LGSN: variants seen among roughly 807,000 people sequenced by gnomAD.
LGSN encodes lengsin.
Under a neutral mutation model 19.5 loss-of-function variants are expected in LGSN, and 21 were observed. The observed-to-expected ratio is 1.07, with a 90% CI of 0.76 to 1.55. LGSN has a LOEUF of 1.55. Ranked by LOEUF, LGSN falls within the 40% of genes most tolerant of loss-of-function variation. The pLI, the probability that LGSN is intolerant of heterozygous loss-of-function variation, is 0.00. For missense variants in LGSN, 673 were observed against 608.5 expected (o/e 1.11, Z -1.12); for synonymous variants, 257 against 215.6 (o/e 1.19, Z -1.68).
At chr6:63,467,251 A>G in the LGSN span, among the ~76,000 whole-genome samples, 4 of 148,222 alleles carry the variant, frequency 2.7e-5, no homozygotes, top group East Asian at 7.9e-4. Flanking sequence ...ACAATAAAAA[A>G]GAAAGTAAGT....
chr6:63,477,687 C>CTTTTTTTTTTTTTTTTTTTTT, the LGSN span, among the ~76,000 whole-genome samples: 65 of 61,054 alleles, frequency 1.1e-3, 2 homozygotes, highest in East Asian at 1.7e-3. Context: ...TTCTTTTTTT[C>CTTTTTTTTTTTTTTTTTTTTT]TTTTTTTTTT....
the LGSN span, among the ~76,000 whole-genome samples, chr6:63,325,842 T>C: frequency 1.3e-5 from 2 of 152,098 alleles, no homozygotes; most frequent in African/African-American, 4.8e-5. Context: ...GAGTGAGCAG[T>C]AGCAAGATTT....
At chr6:63,572,647 C>T in the LGSN span, 2 of 414,220 alleles carry the variant, frequency 4.8e-6, no homozygotes, top group African/African-American at 2.0e-5. Flanking sequence ...GCCACCGCCA[C>T]CGCCTGTGTC....
chr6:63,437,535 G>A, the LGSN span, among the ~76,000 whole-genome samples: 5 of 152,176 alleles, frequency 3.3e-5, no homozygotes, highest in African/African-American at 7.2e-5. Context: ...GGAACTCAAA[G>A]CCCTGTTAAT....
chr6:63,336,132 G>T, the LGSN span, among the ~76,000 whole-genome samples: 447 of 152,150 alleles, frequency 2.9e-3, 3 homozygotes, highest in African/African-American at 0.01. Flanking sequence ...TTAAATAGAA[G>T]GAATAATTTA....
At chr6:63,492,037 A>G in the LGSN span, among the ~76,000 whole-genome samples, 3 of 152,252 alleles carry the variant, frequency 2.0e-5, no homozygotes, top group South Asian at 6.2e-4. Context: ...CTCAAAAAAA[A>G]AAAAAAAAAA....
chr6:63,556,239 A>G, the LGSN span, among the ~76,000 whole-genome samples: 2 of 151,766 alleles, frequency 1.3e-5, no homozygotes, highest in East Asian at 1.9e-4. Flanking sequence ...AGCTCACTGC[A>G]GCTCTTCCTC....
the LGSN span, among the ~76,000 whole-genome samples, chr6:63,358,137 A>G: frequency 1.8e-4 from 27 of 152,224 alleles, no homozygotes; most frequent in African/African-American, 6.3e-4. Flanking sequence ...AAGATCAGAT[A>G]GTTGTAGATA....
At chr6:63,285,480 G>A in intron 3 of LGSN, 107 bp downstream of exon 3, 1 of 852,538 alleles carries the variant, frequency 1.2e-6, no homozygotes, top group Non-Finnish European at 1.8e-6. Context: ...TTGATTTTCA[G>A]CTTGAATTGC....
At chr6:63,416,866 C>G in the LGSN span, among the ~76,000 whole-genome samples, 1 of 151,488 alleles carries the variant, frequency 6.6e-6, no homozygotes, top group Non-Finnish European at 1.5e-5. Flanking sequence ...CCGCACCTGG[C>G]CTAAGTAGAT....
At chr6:63,560,338 C>CA in the LGSN span, among the ~76,000 whole-genome samples, 1,085 of 49,584 alleles carry the variant, frequency 0.022, 20 homozygotes, top group Admixed American at 0.048. Flanking sequence ...GACTCCGTCT[C>CA]AAAAAAAAAA....
chr6:63,438,494 A>T, the LGSN span, among the ~76,000 whole-genome samples: 1 of 152,182 alleles, frequency 6.6e-6, no homozygotes, highest in Non-Finnish European at 1.5e-5. Flanking sequence ...CAATGAACTC[A>T]AACAAATTTA....
the LGSN span, among the ~76,000 whole-genome samples, chr6:63,401,053 A>T: frequency 6.6e-6 from 1 of 152,170 alleles, no homozygotes; most frequent in African/African-American, 2.4e-5. Context: ...TTATAATATA[A>T]TTTGACTTTT....
the LGSN span, among the ~76,000 whole-genome samples, chr6:63,511,613 T>C: frequency 3.9e-5 from 6 of 152,200 alleles, no homozygotes; most frequent in African/African-American, 1.4e-4. Flanking sequence ...TGGGCATTTT[T>C]AAAATTTTGA....
At chr6:63,358,391 G>A in the LGSN span, among the ~76,000 whole-genome samples, 2 of 152,292 alleles carry the variant, frequency 1.3e-5, no homozygotes, top group East Asian at 3.9e-4. Flanking sequence ...AGCTTGATGG[G>A]GATGGCATTG....
chr6:63,432,667 G>T, the LGSN span, among the ~76,000 whole-genome samples: 5 of 151,816 alleles, frequency 3.3e-5, no homozygotes, highest in South Asian at 8.3e-4. Flanking sequence ...ACTGGAGCCT[G>T]GGCAACAGAG....
the LGSN span, among the ~76,000 whole-genome samples, chr6:63,485,387 T>A: frequency 1.1e-4 from 16 of 152,340 alleles, no homozygotes; most frequent in South Asian, 3.3e-3. Flanking sequence ...TATGGTTGCA[T>A]AGTGTTCCAT....
chr6:63,438,276 T>C, the LGSN span, among the ~76,000 whole-genome samples: 1 of 152,256 alleles, frequency 6.6e-6, no homozygotes, highest in East Asian at 1.9e-4. Context: ...GGCATTACCA[T>C]TCAGGACATA....
chr6:63,330,822 C>A, the LGSN span, among the ~76,000 whole-genome samples: 2 of 152,198 alleles, frequency 1.3e-5, no homozygotes, highest in African/African-American at 2.4e-5. Flanking sequence ...TCCAAACTCT[C>A]GGGCTGCAGC....
Sources: gnomAD v4.1 joint callset for allele counts (sites outside exome capture counted in the v4.1 genomes callset) on GRCh38, gnomAD v4.1.1 for gene constraint, MANE v1.5 for transcripts, NCBI Gene and HGNC (gene_info 2026-07-23, HGNC 2026-07-21) for gene names.